The following ICE1 variants were observed in gnomAD, a reference collection of about 807,000 sequenced individuals.
ICE1 encodes the protein little elongation complex subunit 1.
Under a neutral mutation model 192.7 loss-of-function variants are expected in ICE1, and 64 were observed. The ratio of observed to expected loss-of-function variants is 0.33; its 90% CI spans 0.27 to 0.41. The LOEUF (loss-of-function observed/expected upper bound fraction) is 0.41, where lower values mean the gene tolerates loss of function less well. Among genes scored for constraint, ICE1 ranks in the 10% least tolerant of loss-of-function variants. The probability of loss-of-function intolerance (pLI) is 1.00; values close to 1 mark genes in which losing one functional copy is unlikely to be tolerated. For missense variants in ICE1, 2,708 were observed against 2,696.0 expected, an observed-to-expected ratio of 1.00 and a Z score of -0.10; for synonymous variants, 1,010 against 984.5, an observed-to-expected ratio of 1.03 and a Z score of -0.49.
intron 12 of ICE1, 114 bp from the exon 13 acceptor site, chr5:5,460,322 G>A (rs1199271890): frequency 1.2e-5 from 9 of 769,966 alleles, no homozygotes; most frequent in South Asian, 3.9e-5. Context: ...CTGCTCAAAC[G>A]TGATTGTAAA....
chr5:5,486,128 A>C (rs1244848032), intron 17 of ICE1, among the ~76,000 whole-genome samples: 1 of 152,170 alleles, frequency 6.6e-6, no homozygotes, highest in Non-Finnish European at 1.5e-5. Context: ...TTCTGTGCTT[A>C]GGGGTCCAGG....
At chr5:5,426,823 G>T (rs368954671) in intron 1 of ICE1, among the ~76,000 whole-genome samples, 177 of 152,328 alleles carry the variant, frequency 1.2e-3, no homozygotes, top group African/African-American at 4.0e-3. Context: ...TTATAACTAC[G>T]TGAAGTTCCA....
At chr5:5,442,020 A>G (rs1738067573) in intron 5 of ICE1, among the ~76,000 whole-genome samples, 1 of 152,198 alleles carries the variant, frequency 6.6e-6, no homozygotes, top group Non-Finnish European at 1.5e-5. Flanking sequence ...GAAGATGCCC[A>G]CTTCAGATAT....
At chr5:5,442,717 C>G (rs1738085189) in intron 5 of ICE1, among the ~76,000 whole-genome samples, 1 of 152,182 alleles carries the variant, frequency 6.6e-6, no homozygotes. Context: ...ATAACAGTGT[C>G]TTTCCCATTT....
chr5:5,480,250 T>C (rs1393324919), intron 17 of ICE1, among the ~76,000 whole-genome samples: 1 of 121,370 alleles, frequency 8.2e-6, no homozygotes, highest in Non-Finnish European at 1.6e-5. Flanking sequence ...TTTCTTTTTC[T>C]TTTTTTTTTT....
At chr5:5,468,426 CAAAG>C (rs148683623) in intron 14 of ICE1, among the ~76,000 whole-genome samples, 5,254 of 152,158 alleles carry the variant, frequency 0.035, 182 homozygotes, top group East Asian at 0.16. Flanking sequence ...AAAAAAGAGA[CAAAG>C]AGTGTAGGAG....
intron 1 of ICE1, among the ~76,000 whole-genome samples, 177 bp downstream of exon 1, chr5:5,423,176 C>T (rs927183255): frequency 1.3e-5 from 2 of 152,100 alleles, no homozygotes; most frequent in African/African-American, 2.4e-5. Flanking sequence ...GTTTTGGGGA[C>T]GGCTTTCTTT....
chr5:5,457,339 T>C lies in ICE1; in HGVS notation c.699T>C (p.Pro233=). The C allele has an allele frequency of 6.3e-7, 1 of 1,596,862 alleles. No homozygotes were observed. The highest frequency in any genetic ancestry group is 1.1e-5 in the South Asian group (1 of 88,926). ...GEGSRCVPEK[P]AKAITSSRVP... ...TTTTGTTCCCCCACATAGAAAAACCTGCCAAAGCAATCACCAGCTCCAGAG... is the reference window on the plus strand; with the variant it reads ...TTTTGTTCCCCCACATAGAAAAACCCGCCAAAGCAATCACCAGCTCCAGAG... Residue 233 remains proline (P), a synonymous_variant, in exon 12 of 19, where the codon CCT becomes CCC. Transcript: ENST00000296564.
chr5:5,462,613 C>T lies in ICE1; in HGVS notation c.3279C>T (p.Thr1093=). 6.2e-7 allele frequency: 1 copy of T among 1,613,912 alleles called. No homozygotes were observed. Among genetic ancestry groups the T allele is most frequent in the Non-Finnish European group, 8.5e-7 (1 of 1,179,882 alleles). The stretch of plus-strand genomic sequence containing the variant: ...CCTCCCAAAGTAGCCTGCCTGGTAC[C>T]TTACATTGTTACACAGGCATTCGAG... The part of the protein sequence containing the change: ...QDTSQSSLPG[T]LHCYTGIREG... Residue 1093 remains threonine (T), a synonymous_variant, in exon 13 of 19, where the codon ACC becomes ACT. Transcript: ENST00000296564.
chr5:5,461,951 G>T lies in ICE1; in HGVS notation c.2617G>T (p.Ala873Ser), dbSNP rs1395961818. ...KQTRPEKVQS[A>S]KLEHLRPHRV... ...GACAAGACCTGAAAAGGTTCAGAGT[G>T]CCAAATTGGAACACTTGAGGCCACA... is the stretch of plus-strand genomic sequence containing the variant. Residue 873 changes from alanine (A) to serine (S), a missense_variant, in exon 13 of 19, where the codon GCC becomes TCC. Coordinates refer to ENST00000296564, the MANE Select transcript of ICE1 (RefSeq NM_015325.3). 3 of 1,613,916 alleles carry T rather than the reference G, an allele frequency of 1.9e-6. No homozygotes were observed. In the Admixed American group the frequency reaches 5.0e-5, roughly 27 times the overall value.
intron 3 of ICE1, 73 bp downstream of exon 3, chr5:5,437,187 A>AT: frequency 8.5e-7 from 1 of 1,179,010 alleles, no homozygotes; most frequent in East Asian, 2.6e-5. Flanking sequence ...AGATGTGAGA[A>AT]TTGTTCCTCA....
chr5:5,479,549 C>T (rs1482491208), intron 17 of ICE1, among the ~76,000 whole-genome samples: 1 of 152,144 alleles, frequency 6.6e-6, no homozygotes, highest in Non-Finnish European at 1.5e-5. Context: ...TCTCAAGGAT[C>T]TAGAAACAGA....
At chr5:5,452,365 A>G (rs2111363672) in intron 10 of ICE1, among the ~76,000 whole-genome samples, 1 of 152,186 alleles carries the variant, frequency 6.6e-6, no homozygotes, top group Non-Finnish European at 1.5e-5. Context: ...ATATACAATG[A>G]ACATATACAT....
At chr5:5,483,696 C>T (rs1201211931) in intron 17 of ICE1, among the ~76,000 whole-genome samples, 2 of 152,148 alleles carry the variant, frequency 1.3e-5, no homozygotes, top group Non-Finnish European at 2.9e-5. Context: ...CTGTAGAATA[C>T]CACCTTTCTG....
At chr5:5,426,632 A>G (rs572252567) in intron 1 of ICE1, among the ~76,000 whole-genome samples, 2 of 152,306 alleles carry the variant, frequency 1.3e-5, no homozygotes, top group East Asian at 1.9e-4. Context: ...GAAGGGGAAC[A>G]TGGAATGGTG....
intron 15 of ICE1, among the ~76,000 whole-genome samples, chr5:5,471,485 G>A (rs899663965): frequency 1.3e-5 from 2 of 152,054 alleles, no homozygotes; most frequent in African/African-American, 4.8e-5. Flanking sequence ...AATTAAAAAT[G>A]CTATAAGAAA....
At chr5:5,483,505 C>T (rs1289335876) in intron 17 of ICE1, among the ~76,000 whole-genome samples, 3 of 152,152 alleles carry the variant, frequency 2.0e-5, no homozygotes, top group Non-Finnish European at 4.4e-5. Flanking sequence ...TTGTGGAATG[C>T]TTGAATTGCT....
At chr5:5,441,477 A>G (rs1417094118) in intron 5 of ICE1, among the ~76,000 whole-genome samples, 2 of 152,190 alleles carry the variant, frequency 1.3e-5, no homozygotes, top group African/African-American at 2.4e-5. Context: ...GCTTCTCACT[A>G]TGAATTTGTG....
At chr5:5,480,299 G>T (rs1739469066) in intron 17 of ICE1, among the ~76,000 whole-genome samples, 1 of 148,244 alleles carries the variant, frequency 6.7e-6, no homozygotes, top group African/African-American at 2.5e-5. Flanking sequence ...GCCCAGGCTG[G>T]AGTGCAGTGG....
Sources: allele counts gnomAD v4.1 joint callset (sites outside exome capture counted in the v4.1 genomes callset), GRCh38; gene constraint gnomAD v4.1.1; transcripts MANE v1.5; gene names NCBI Gene and HGNC (gene_info 2026-07-23, HGNC 2026-07-21).